ATRNL1: variants seen among roughly 807,000 people sequenced by gnomAD.
ATRNL1 encodes attractin like 1.
In ATRNL1, 95 loss-of-function variants were observed where a neutral mutation model predicts 182.7. The ratio of observed to expected loss-of-function variants is 0.52; its 90% CI spans 0.44 to 0.62. The LOEUF (loss-of-function observed/expected upper bound fraction) is 0.62. ATRNL1 is among the 20% of genes least tolerant of loss of function. The pLI, the probability that ATRNL1 is intolerant of heterozygous loss-of-function variation, is 0.00. For synonymous variants in ATRNL1, 576 were observed against 568.3 expected (o/e 1.01, Z -0.19); for missense variants, 1,471 against 1,679.5 (o/e 0.88, Z 2.17).
At chr10:115,116,924 G>T (rs1439848943) in intron 1 of ATRNL1, among the ~76,000 whole-genome samples, 1 of 152,036 alleles carries the variant, frequency 6.6e-6, no homozygotes. Context: ...ACGGGACAGG[G>T]TGTGTAGTTT....
chr10:115,122,304 A>G (rs1592130036), intron 3 of ATRNL1, among the ~76,000 whole-genome samples: 4 of 151,964 alleles, frequency 2.6e-5, no homozygotes, highest in Admixed American at 2.6e-4. Flanking sequence ...GTTTCAAAAT[A>G]TTTTATTGTT....
intron 26 of ATRNL1, among the ~76,000 whole-genome samples, chr10:115,615,911 G>T (rs1857403669): frequency 6.6e-6 from 1 of 152,106 alleles, no homozygotes; most frequent in South Asian, 2.1e-4. Flanking sequence ...TAGAAAATTG[G>T]TATCAAGGGA....
At chr10:115,605,473 AT>A (rs570488281) in intron 26 of ATRNL1, among the ~76,000 whole-genome samples, 1 of 152,070 alleles carries the variant, frequency 6.6e-6, no homozygotes, top group Non-Finnish European at 1.5e-5. Flanking sequence ...GATTACTTAC[AT>A]TTATTTTCAT....
chr10:115,244,683 T>A (rs976897161), intron 10 of ATRNL1, among the ~76,000 whole-genome samples: 1 of 151,602 alleles, frequency 6.6e-6, no homozygotes, highest in Non-Finnish European at 1.5e-5. Flanking sequence ...AAAAACTTAA[T>A]TTTTTTTTGT....
chr10:115,647,875 C>G (rs1408103668), intron 26 of ATRNL1, among the ~76,000 whole-genome samples: 1 of 152,138 alleles, frequency 6.6e-6, no homozygotes, highest in Admixed American at 6.5e-5. Flanking sequence ...TTGCCCAGGC[C>G]TATGTCCTGA....
intron 17 of ATRNL1, among the ~76,000 whole-genome samples, chr10:115,308,143 T>A (rs912506828): frequency 3.9e-5 from 6 of 152,146 alleles, no homozygotes; most frequent in Non-Finnish European, 7.4e-5. Context: ...CTCCAGTATT[T>A]TTCAGTCATA....
At chr10:115,726,399 AT>A (rs34639916) in intron 26 of ATRNL1, among the ~76,000 whole-genome samples, 55,792 of 152,090 alleles carry the variant, frequency 0.37, 10,992 homozygotes, top group Admixed American at 0.53. Flanking sequence ...ATATTTAATA[AT>A]AATTTTATTA....
chr10:115,456,178 A>G (rs1554968667), intron 21 of ATRNL1, among the ~76,000 whole-genome samples: 2 of 152,330 alleles, frequency 1.3e-5, no homozygotes, highest in African/African-American at 4.8e-5. Context: ...ATAAAGACAC[A>G]TGCACACATG....
At chr10:115,580,894 G>T (rs1266798983) in intron 26 of ATRNL1, among the ~76,000 whole-genome samples, 1 of 151,976 alleles carries the variant, frequency 6.6e-6, no homozygotes, top group Non-Finnish European at 1.5e-5. Flanking sequence ...TCTGTTTGAT[G>T]CATTTTAATA....
rs150838827 is a variant in ATRNL1 at position 115,163,219 on chromosome 10, G to A, written c.1005-2339G>A. On this transcript the variant is annotated intron_variant, in intron 6 of 28. Transcript: ENST00000355044. The stretch of plus-strand genomic sequence containing the variant: ...GAAGAAGAATCACTTGTTATTCTTC[G>A]GCTTATCAAACTGCAGAATAGGGGC... Among the ~76,000 whole-genome samples, 58 of 151,766 alleles carry A rather than the reference G, an allele frequency of 3.8e-4. No individual in the cohort carries two copies. The East Asian group carries it at 7.3e-3, about 19-fold the overall frequency.
chr10:115,451,701 G>A (rs187754725), intron 21 of ATRNL1, among the ~76,000 whole-genome samples: 6 of 152,222 alleles, frequency 3.9e-5, no homozygotes, highest in African/African-American at 9.6e-5. Flanking sequence ...AAGCAGTATG[G>A]CAATTCCTCA....
chr10:115,605,976 C>A lies in ATRNL1; in HGVS notation c.3795+56440C>A, dbSNP rs535886340. Among the ~76,000 whole-genome samples, 5 of 151,726 alleles carry A rather than the reference C, an allele frequency of 3.3e-5. No homozygotes were observed. The South Asian group carries it at 1.0e-3, about 32-fold the overall frequency. On this transcript the variant is annotated intron_variant, in intron 26 of 28. Transcript: ENST00000355044. ...CTTTACTATATCAGTAAGAAAGATGCATGCATAATGAACAAAAAATGTGGG... is the reference window on the plus strand; with the variant it reads ...CTTTACTATATCAGTAAGAAAGATGAATGCATAATGAACAAAAAATGTGGG...
At chr10:115,464,314 T>G (rs2134543283) in intron 22 of ATRNL1, among the ~76,000 whole-genome samples, 1 of 149,062 alleles carries the variant, frequency 6.7e-6, no homozygotes, top group African/African-American at 2.4e-5. Context: ...AGTAGATAAT[T>G]ATTTATACAT....
chr10:115,812,299 A>C (rs1355288455), intron 27 of ATRNL1, among the ~76,000 whole-genome samples: 6 of 152,094 alleles, frequency 3.9e-5, no homozygotes, highest in Non-Finnish European at 8.8e-5. Context: ...GTTGGGATAA[A>C]ATCTATTATA....
intron 15 of ATRNL1, among the ~76,000 whole-genome samples, chr10:115,299,046 T>C (rs909889155): frequency 7.2e-5 from 11 of 151,880 alleles, no homozygotes; most frequent in African/African-American, 2.4e-4. Flanking sequence ...ATGTCTAAGG[T>C]GGAGAAACAT....
intron 8 of ATRNL1, among the ~76,000 whole-genome samples, chr10:115,214,309 A>AATATATATAT (rs3086142): frequency 1.3e-5 from 2 of 148,726 alleles, no homozygotes; most frequent in African/African-American, 4.9e-5. Context: ...TTTTAGTTCA[A>AATATATATAT]ATATATATAT....
chr10:115,638,580 G>A (rs999079499), intron 26 of ATRNL1, among the ~76,000 whole-genome samples: 5 of 152,128 alleles, frequency 3.3e-5, no homozygotes, highest in African/African-American at 1.2e-4. Flanking sequence ...TAATGGGTAT[G>A]GAGTATCTTT....
At chr10:115,897,504 T>C (rs905583416) in intron 28 of ATRNL1, among the ~76,000 whole-genome samples, 8 of 152,230 alleles carry the variant, frequency 5.3e-5, no homozygotes, top group Non-Finnish European at 1.2e-4. Context: ...AGTTGATCTA[T>C]GCAGACATAC....
intron 9 of ATRNL1, among the ~76,000 whole-genome samples, chr10:115,216,429 G>A (rs1259634236): frequency 6.6e-6 from 1 of 152,100 alleles, no homozygotes; most frequent in African/African-American, 2.4e-5. Flanking sequence ...AAAATTGTGA[G>A]AATTTTTACT....
Sources: allele counts gnomAD v4.1 joint callset (sites outside exome capture counted in the v4.1 genomes callset), GRCh38; gene constraint gnomAD v4.1.1; transcripts MANE v1.5; gene names NCBI Gene and HGNC (gene_info 2026-07-23, HGNC 2026-07-21).